TOP2B: variants seen among roughly 807,000 people sequenced by gnomAD.
TOP2B encodes the protein DNA topoisomerase II beta.
In TOP2B, 51 loss-of-function variants were observed where a neutral mutation model predicts 193.5. The ratio of observed to expected loss-of-function variants is 0.26; its 90% CI spans 0.21 to 0.33. The LOEUF (loss-of-function observed/expected upper bound fraction) is 0.33. TOP2B is among the 10% of genes least tolerant of loss of function. The pLI is 1.00. For synonymous variants in TOP2B, 634 were observed against 635.7 expected (o/e 1.00, Z 0.04); for missense variants, 1,378 against 1,909.3 (o/e 0.72, Z 5.19).
At chr3:25,636,210 C>A in intron 6 of TOP2B, 62 bp from the exon 7 acceptor site, 1 of 1,002,226 alleles carries the variant, frequency 1.0e-6, no homozygotes, top group Non-Finnish European at 1.4e-6. Flanking sequence ...TATATAAAGA[C>A]TACACTCATT....
chr3:25,609,556 AT>A lies in TOP2B; in HGVS notation c.3931+11del. 1 of 1,603,776 alleles carries A rather than the reference AT, an allele frequency of 6.2e-7. No individual in the cohort carries two copies. Among genetic ancestry groups the A allele is most frequent in the Non-Finnish European group, 8.5e-7 (1 of 1,174,756 alleles). ...TCTCTCACACACATGCAAAACTATA[AT>A]CATTTCTCACCAGGCTCCTTCTTCT... On this transcript the variant is annotated intron_variant, in intron 29 of 35. Transcript: ENST00000264331.
intron 6 of TOP2B, among the ~76,000 whole-genome samples, 170 bp from the exon 7 acceptor site, chr3:25,636,318 A>G (rs907099278): frequency 6.6e-6 from 1 of 152,154 alleles, no homozygotes; most frequent in African/African-American, 2.4e-5. Context: ...TAGTAAATAC[A>G]GTCAGCCCTT....
chr3:25,617,175 C>G (rs1262857465), intron 25 of TOP2B, among the ~76,000 whole-genome samples: 1 of 152,032 alleles, frequency 6.6e-6, no homozygotes, highest in African/African-American at 2.4e-5. Flanking sequence ...AAATCTTTAT[C>G]TTTTAAGACT....
intron 3 of TOP2B, among the ~76,000 whole-genome samples, chr3:25,643,153 A>G (rs1039210826): frequency 2.6e-5 from 4 of 152,172 alleles, no homozygotes; most frequent in African/African-American, 9.7e-5. Context: ...GAGAATTTCT[A>G]GAGTGTCCTT....
chr3:25,605,584 A>T (rs1047919411), intron 32 of TOP2B, among the ~76,000 whole-genome samples: 2 of 152,160 alleles, frequency 1.3e-5, no homozygotes, highest in African/African-American at 4.8e-5. Context: ...CACAAAAAAA[A>T]TACGAAACAA....
chr3:25,630,414 T>C lies in TOP2B; in HGVS notation c.1461A>G (p.Lys487=). Residue 487 remains lysine, a synonymous_variant, in exon 12 of 36, where the codon AAA becomes AAG. Coordinates refer to ENST00000264331, the MANE Select transcript of TOP2B (RefSeq NM_001330700.2). The part of the protein sequence containing the change: ...TLILTEGDSA[K]SLAVSGLGVI... ...CACCTAATCCAGACACAGCCAGTGATTTGGCAGAGTCTCCCTCTGTTAATA... is the reference window on the plus strand; with the variant it reads ...CACCTAATCCAGACACAGCCAGTGACTTGGCAGAGTCTCCCTCTGTTAATA... 1 of 1,552,852 alleles carries C rather than the reference T, an allele frequency of 6.4e-7. No individual in the cohort carries two copies. The highest frequency in any genetic ancestry group is 1.2e-5 in the South Asian group (1 of 84,110).
chr3:25,617,440 T>C (rs553818133), intron 25 of TOP2B, among the ~76,000 whole-genome samples: 2 of 152,304 alleles, frequency 1.3e-5, no homozygotes, highest in South Asian at 2.1e-4. Flanking sequence ...CTATATAACT[T>C]AGTCTAATTT....
At chr3:25,623,404 G>T (rs1702714560) in intron 21 of TOP2B, 111 bp downstream of exon 21, 1 of 984,894 alleles carries the variant, frequency 1.0e-6, no homozygotes, top group Non-Finnish European at 1.5e-6. Context: ...GGTCTTTACG[G>T]TCTACAATAT....
rs539519158 is a variant in TOP2B, at chr3:25,649,952, C to T, written c.70-4482G>A. 6.6e-5 allele frequency among the ~76,000 whole-genome samples: 10 copies of T among 152,238 alleles called. 1 individual carries two copies. The South Asian group carries it at 2.1e-3, about 32-fold the overall frequency. On this transcript the variant is annotated intron_variant, in intron 1 of 35. Coordinates refer to ENST00000264331, the MANE Select transcript of TOP2B (RefSeq NM_001330700.2). ...CACTTTTATAAGTGATGATATCAGC[C>T]ATTTAGCTCAACTCTGAAGAACCAA...
At chr3:25,662,620 TG>T (rs1703950209) in intron 1 of TOP2B, among the ~76,000 whole-genome samples, 1 of 152,246 alleles carries the variant, frequency 6.6e-6, no homozygotes, top group South Asian at 2.1e-4. Context: ...CTCCAAGTTT[TG>T]CTAAATTAGC....
chr3:25,598,331 A>ATCATCT lies in TOP2B; in HGVS notation c.4851_4856dup (p.Glu1617_Asp1618dup), dbSNP rs747548613. 111 of 1,609,814 alleles carry ATCATCT rather than the reference A, an allele frequency of 6.9e-5. No homozygotes were observed. Among genetic ancestry groups the ATCATCT allele is most frequent in the Admixed American group, 1.0e-4 (6 of 59,306 alleles). On this transcript the variant is annotated inframe_insertion, in exon 36 of 36. Transcript: ENST00000264331. ...CTTAATTAAACATTGCAAAATCAAC[A>ATCATCT]TCATCTTCTTCTTCATCAGACTCTG...
intron 1 of TOP2B, 121 bp downstream of exon 1, chr3:25,664,108 T>A (rs1002770911): frequency 1.7e-4 from 248 of 1,433,554 alleles, no homozygotes; most frequent in East Asian, 8.0e-4. Flanking sequence ...CAGGCCCCTA[T>A]GGAGCGCCCG....
intron 23 of TOP2B, 112 bp from the exon 24 acceptor site, chr3:25,618,961 T>TTCACACAC: frequency 2.7e-6 from 2 of 749,936 alleles, no homozygotes; most frequent in Non-Finnish European, 4.0e-6. Flanking sequence ...AATGCATGTG[T>TTCACACAC]GTGAACACAG....
Position 25,626,871 on chromosome 3 carries a change from G to T in TOP2B, c.2017-7C>A. 6.5e-7 allele frequency: 1 copy of T among 1,544,312 alleles called. No individual in the cohort carries two copies. The highest frequency in any genetic ancestry group is 8.8e-7 in the Non-Finnish European group (1 of 1,131,888). On this transcript the variant is annotated splice_region_variant and splice_polypyrimidine_tract_variant and intron_variant, in intron 16 of 35. Transcript: ENST00000264331. ...TCTTCTTCTTACTAAATGCCTGAAA[G>T]ATTCCAGGTAACGATTTTGCACATT... is the stretch of plus-strand genomic sequence containing the variant.
At chr3:25,629,757 CTTG>C (rs146567138) in intron 13 of TOP2B, among the ~76,000 whole-genome samples, 4,265 of 152,150 alleles carry the variant, frequency 0.028, 162 homozygotes, top group African/African-American at 0.094. Flanking sequence ...ATCTTTCTTA[CTTG>C]TTAATTCCAT....
At chr3:25,631,472 A>T (rs1335949808) in intron 10 of TOP2B, among the ~76,000 whole-genome samples, 2 of 152,104 alleles carry the variant, frequency 1.3e-5, no homozygotes, top group Non-Finnish European at 2.9e-5. Flanking sequence ...GCAGTGAATC[A>T]ATCTGTGGCA....
At chr3:25,637,823 G>C (rs1319010340) in intron 5 of TOP2B, among the ~76,000 whole-genome samples, 1 of 151,848 alleles carries the variant, frequency 6.6e-6, no homozygotes, top group Non-Finnish European at 1.5e-5. Context: ...ACCTTCTCAA[G>C]GAAAACAGTT....
intron 10 of TOP2B, 36 bp downstream of exon 10, chr3:25,632,410 A>G (rs1013524429): frequency 2.7e-5 from 41 of 1,500,970 alleles, no homozygotes; most frequent in Non-Finnish European, 3.6e-5. Context: ...ATCAACTCTT[A>G]ATAACAACAA....
intron 4 of TOP2B, among the ~76,000 whole-genome samples, chr3:25,639,069 A>C (rs942475321): frequency 1.3e-5 from 2 of 152,338 alleles, no homozygotes; most frequent in African/African-American, 4.8e-5. Context: ...GTTTTAAAAA[A>C]TTAAGTGGAT....
Sources: gnomAD v4.1 joint callset for allele counts (sites outside exome capture counted in the v4.1 genomes callset) on GRCh38, gnomAD v4.1.1 for gene constraint, MANE v1.5 for transcripts, NCBI Gene and HGNC (gene_info 2026-07-23, HGNC 2026-07-21) for gene names.